The following CYP2S1 variants were observed in gnomAD, a reference collection of about 807,000 sequenced individuals.
CYP2S1 encodes the protein cytochrome P450 2S1.
A neutral mutation model predicts 43.5 loss-of-function variants in CYP2S1; 32 were observed. The ratio of observed to expected loss-of-function variants is 0.74; its 90% CI spans 0.56 to 0.99. CYP2S1 has a LOEUF of 0.99. Ranked by LOEUF, CYP2S1 falls within the 50% of genes least tolerant of loss-of-function variation. The pLI, the probability that CYP2S1 is intolerant of heterozygous loss-of-function variation, is 0.00. For synonymous variants in CYP2S1, 283 were observed against 302.9 expected, an observed-to-expected ratio of 0.93 and a Z score of 0.68; for missense variants, 575 against 673.9, an observed-to-expected ratio of 0.85 and a Z score of 1.62.
At chr19:41,205,900 A>G in intron 7 of CYP2S1, 58 bp from the exon 8 acceptor site, 2 of 1,585,468 alleles carry the variant, frequency 1.3e-6, no homozygotes, top group Non-Finnish European at 8.6e-7. Flanking sequence ...TCCACACTCG[A>G]GGACCAAATG....
chr19:41,203,502 C>A lies in CYP2S1; in HGVS notation c.1029C>A (p.Ser343Arg). ...NRELGAGQAP[S>R]LGDRTRLPYT... ...AGCTGGGGGCTGGCCAGGCACCAAG[C>A]CTAGGGGACCGTACCCGCCTCCCTT... Residue 343 changes from serine (S) to arginine (R), a missense_variant, in exon 7 of 9, where the codon AGC becomes AGA. Ser to Arg is a moderately radical substitution (Grantham distance 110). Transcript: ENST00000310054. 2 of 1,603,780 alleles carry A rather than the reference C, an allele frequency of 1.2e-6. No individual in the cohort carries two copies. The highest frequency in any genetic ancestry group is 1.7e-6 in the Non-Finnish European group (2 of 1,174,050).
At chr19:41,194,349 C>CT (rs2033381940) in intron 1 of CYP2S1, among the ~76,000 whole-genome samples, 195 bp from the exon 2 acceptor site, 1 of 151,928 alleles carries the variant, frequency 6.6e-6, no homozygotes, top group South Asian at 2.1e-4. Context: ...GAAGGATGTA[C>CT]TGGGGGAGGA....
chr19:41,206,829 C>A lies in CYP2S1; in HGVS notation c.*341C>A. On this transcript the variant is annotated 3_prime_UTR_variant, in exon 9 of 9. Coordinates refer to ENST00000310054, the MANE Select transcript of CYP2S1 (RefSeq NM_030622.8). ...CCCACACGTGGGAGTCTGGCTGTCACCTTCACAAGCCACAGAAACGGCCAC... is the reference window on the plus strand; with the variant it reads ...CCCACACGTGGGAGTCTGGCTGTCAACTTCACAAGCCACAGAAACGGCCAC... 1 of 506,502 alleles carries A rather than the reference C, an allele frequency of 2.0e-6. No homozygotes were observed. The highest frequency in any genetic ancestry group is 1.6e-5 in the South Asian group (1 of 64,356). The allele number at this position is 506,502 out of a possible 1,614,324, so 31.4% of individuals were successfully genotyped here. A position where few individuals can be genotyped will look rare whatever the true frequency, so the allele number is the denominator to read the frequency against.
intron 2 of CYP2S1, among the ~76,000 whole-genome samples, chr19:41,197,149 C>T (rs1186663422): frequency 2.0e-5 from 3 of 151,942 alleles, no homozygotes; most frequent in Admixed American, 6.6e-5. Flanking sequence ...GAGCTGAGAT[C>T]GTGCCATTGC....
At position 41,193,316 on chromosome 19, in the gene CYP2S1, C is replaced by T. The variant is rs2033364961; in HGVS notation, c.52C>T (p.Leu18=). The change falls in exon 1 of 9, where the codon CTG becomes TTG. Residue 18 remains leucine, a synonymous_variant. Transcript: ENST00000310054. ...ALLLALALLL[L]LTLALSGTRA... ...GCTGCTGGCGCTGGCGCTGCTCCTG[C>T]TGCTGACGCTGGCGCTGTCCGGGAC... 1.3e-6 allele frequency: 2 copies of T among 1,541,756 alleles called. No homozygotes were observed. The highest frequency in any genetic ancestry group is 1.4e-5 in the African/African-American group (1 of 72,224).
In CYP2S1 at chr19:41,198,891, G is replaced by A. The variant is rs145657828; in HGVS notation, c.834+3G>A. 346 of 1,608,234 alleles carry A rather than the reference G, an allele frequency of 2.2e-4. No individual in the cohort carries two copies. The African/African-American group carries it at 4.0e-3, about 19-fold the overall frequency. On this transcript the variant is annotated splice_donor_region_variant and intron_variant, in intron 5 of 8. Transcript: ENST00000310054. This position sits in a 1 kb window ranked among gnomAD's most constrained non-coding sequence, Gnocchi z 4.9. ...CCTTCCTGCTGAAGATGGCACAGGT[G>A]TGGGAAGGGTGCAGGGACCCCCTCT...
At chr19:41,204,592 C>CTTTT (rs553640679) in intron 7 of CYP2S1, among the ~76,000 whole-genome samples, 5 of 109,026 alleles carry the variant, frequency 4.6e-5, no homozygotes, top group Non-Finnish European at 7.0e-5. Context: ...TCTTCTTCTT[C>CTTTT]TTTTTTTTTT....
At position 41,198,380 on chromosome 19, in the gene CYP2S1, C is replaced by T. The variant is rs1568400077; in HGVS notation, c.494-82C>T. 1 of 1,553,196 alleles carries T rather than the reference C, an allele frequency of 6.4e-7. No homozygotes were observed. Among genetic ancestry groups the T allele is most frequent in the East Asian group, 2.2e-5 (1 of 44,594 alleles). On this transcript the variant is annotated intron_variant, in intron 3 of 8. Coordinates refer to ENST00000310054, the MANE Select transcript of CYP2S1 (RefSeq NM_030622.8). The surrounding 1 kb of genome is among the most constrained non-coding windows in gnomAD (Gnocchi z 4.9). ...TCCATCTTTCCCTGCCTCCCTGTCT[C>T]TCTCTGGTTGGGTTCAGCTCCAACC...
rs8192798 is a variant in CYP2S1, at chr19:41,207,036, C to A, written c.*548C>A. 93,746 of 351,598 alleles carry A rather than the reference C, an allele frequency of 0.27. 14,362 individuals are homozygous for A. The highest frequency in any genetic ancestry group is 0.51 in the African/African-American group (23,791 of 46,476). The allele number at this position is 351,598 out of a possible 1,614,324, so 21.8% of individuals were successfully genotyped here. A position where few individuals can be genotyped will look rare whatever the true frequency, so the allele number is the denominator to read the frequency against. On this transcript the variant is annotated 3_prime_UTR_variant, in exon 9 of 9. Coordinates refer to ENST00000310054, the MANE Select transcript of CYP2S1 (RefSeq NM_030622.8). ...CACCACTCTCCCAGCCTGTGACCACCGATGTCCACACACCCCCAACCACTT... is the reference window on the plus strand; with the variant it reads ...CACCACTCTCCCAGCCTGTGACCACAGATGTCCACACACCCCCAACCACTT...
intron 8 of CYP2S1, 60 bp downstream of exon 8, chr19:41,206,159 C>T: frequency 6.2e-7 from 1 of 1,607,860 alleles, no homozygotes; most frequent in Non-Finnish European, 8.5e-7. Flanking sequence ...GCATCTGTGC[C>T]AGCTGGGGGC....
At position 41,206,602 on chromosome 19, in the gene CYP2S1, G is replaced by A. The variant is rs771080858; in HGVS notation, c.*114G>A. ...ACACTGCAGGCAGCCACATTTACAC[G>A]CCTGCAGTTGTTTTCCGGAGTCTGT... On this transcript the variant is annotated 3_prime_UTR_variant, in exon 9 of 9. Coordinates refer to ENST00000310054, the MANE Select transcript of CYP2S1 (RefSeq NM_030622.8). 2.6e-5 allele frequency: 34 copies of A among 1,307,982 alleles called. No homozygotes were observed. The highest frequency in any genetic ancestry group is 2.5e-4 in the South Asian group (21 of 84,574). 81.0% of individuals were successfully genotyped at this position (1,307,982 alleles called of 1,614,324 possible). A position where few individuals can be genotyped will look rare whatever the true frequency, so the allele number is the denominator to read the frequency against.
chr19:41,194,263 C>T (rs1320762397), intron 1 of CYP2S1, among the ~76,000 whole-genome samples: 1 of 152,040 alleles, frequency 6.6e-6, no homozygotes, highest in Non-Finnish European at 1.5e-5. Context: ...ACCCAAACTG[C>T]TTCTGGATTG....
chr19:41,194,097 G>C (rs754297148), intron 1 of CYP2S1, among the ~76,000 whole-genome samples: 14 of 152,028 alleles, frequency 9.2e-5, no homozygotes, highest in Non-Finnish European at 1.6e-4. Context: ...AAGGATTCTG[G>C]GTGACTTCAA....
chr19:41,202,440 T>C (rs1297098194), intron 6 of CYP2S1, among the ~76,000 whole-genome samples: 9 of 152,072 alleles, frequency 5.9e-5, no homozygotes, highest in Non-Finnish European at 2.9e-5. Context: ...TTTCCTCACC[T>C]AGGAAATGGG....
intron 5 of CYP2S1, among the ~76,000 whole-genome samples, chr19:41,199,864 G>A (rs1333847584): frequency 1.3e-5 from 2 of 151,976 alleles, no homozygotes; most frequent in East Asian, 1.9e-4. Context: ...CAGCTACTAG[G>A]GAGGCTGAGG....
At chr19:41,199,138 C>T (rs532823881) in intron 5 of CYP2S1, among the ~76,000 whole-genome samples, 1 of 152,238 alleles carries the variant, frequency 6.6e-6, no homozygotes, top group East Asian at 1.9e-4. Context: ...GTCTGTCTCT[C>T]CAGCATCTCT....
chr19:41,201,941 A>G (rs1475361410), intron 6 of CYP2S1, among the ~76,000 whole-genome samples: 1 of 151,944 alleles, frequency 6.6e-6, no homozygotes, highest in African/African-American at 2.4e-5. Context: ...CAATGCAATG[A>G]CTTTGAGCAG....
intron 2 of CYP2S1, among the ~76,000 whole-genome samples, chr19:41,195,313 C>G (rs572387588): frequency 2.0e-5 from 3 of 152,116 alleles, no homozygotes; most frequent in East Asian, 1.9e-4. Flanking sequence ...GGCAAGCCCT[C>G]GAATAATAGA....
Position 41,206,284 on chromosome 19 carries a change from G to T in CYP2S1, c.1311G>T (p.Lys437Asn), listed in dbSNP as rs776969453. The T allele has an allele frequency of 6.2e-7, 1 of 1,614,058 alleles. No homozygotes were observed. The highest frequency in any genetic ancestry group is 8.5e-7 in the Non-Finnish European group (1 of 1,180,024). The change falls in exon 9 of 9, where the codon AAG (lysine) becomes AAT (asparagine). Residue 437 changes from lysine to asparagine, a missense_variant. Around this residue, in one of 2 missense-constraint regions of CYP2S1, gnomAD observed 222 missense variants for 306.3 expected, o/e 0.72. Transcript: ENST00000310054. Reference protein sequence around the residue: ...HEAFLPFSLGKRVCLGEGLAK... With the variant: ...HEAFLPFSLGNRVCLGEGLAK... ...CTCTCTCTCTCTCCTCACCAGGGAA[G>T]CGTGTCTGCCTTGGAGAGGGCCTGG...
Sources: allele counts gnomAD v4.1 joint callset (sites outside exome capture counted in the v4.1 genomes callset), GRCh38; gene constraint gnomAD v4.1.1; regional missense constraint gnomAD v4.1.1; non-coding constraint Gnocchi (gnomAD v3.1); transcripts MANE v1.5; gene names NCBI Gene and HGNC (gene_info 2026-07-23, HGNC 2026-07-21).